MYO6: variants seen among roughly 807,000 people sequenced by gnomAD.
MYO6 encodes myosin VI.
Under a neutral mutation model 178.7 loss-of-function variants are expected in MYO6, and 74 were observed. The observed-to-expected ratio is 0.41, with a 90% CI of 0.34 to 0.50. MYO6 has a LOEUF of 0.50. MYO6 is among the 20% of genes least tolerant of loss of function. The pLI is 0.09. For missense variants in MYO6, 1,330 were observed against 1,547.4 expected, an observed-to-expected ratio of 0.86 and a Z score of 2.36; for synonymous variants, 477 against 504.6, an observed-to-expected ratio of 0.95 and a Z score of 0.73.
At chr6:75,863,636 C>G (rs1776395282) in intron 16 of MYO6, among the ~76,000 whole-genome samples, 1 of 151,968 alleles carries the variant, frequency 6.6e-6, no homozygotes, top group Admixed American at 6.6e-5. Context: ...TAGGCATGCA[C>G]CACCACGCCC....
chr6:75,777,128 A>T (rs1766470609), intron 1 of MYO6, among the ~76,000 whole-genome samples: 1 of 152,226 alleles, frequency 6.6e-6, no homozygotes, highest in African/African-American at 2.4e-5. Context: ...AAGTGAGAAC[A>T]ACTCAATGTG....
intron 1 of MYO6, among the ~76,000 whole-genome samples, chr6:75,755,755 G>A (rs1777293705): frequency 6.6e-6 from 1 of 152,176 alleles, no homozygotes; most frequent in Admixed American, 6.5e-5. Flanking sequence ...GTACTGTAGT[G>A]TCTACCACGG....
In MYO6 at chr6:75,844,946, A is replaced by G; in HGVS notation, c.866A>G (p.Lys289Arg). ...TACTTTGCTAACAAAGAAACTGACA[A>G]ACAGATTTTACAGAACCGCAAAAGT... ...TRYFANKETDKQILQNRKSPE... is the reference protein window; with the variant it reads ...TRYFANKETDRQILQNRKSPE... Residue 289 changes from lysine (K) to arginine (R), a missense_variant, in exon 10 of 35, where the codon AAA becomes AGA. By Grantham distance (26) the Lys-to-Arg change is conservative (BLOSUM62 2). Transcript: ENST00000369977. 1 of 1,613,556 alleles carries G rather than the reference A, an allele frequency of 6.2e-7. No homozygotes were observed. The highest frequency in any genetic ancestry group is 8.5e-7 in the Non-Finnish European group (1 of 1,179,636).
At chr6:75,782,326 T>G (rs1454183712) in intron 1 of MYO6, among the ~76,000 whole-genome samples, 1 of 152,174 alleles carries the variant, frequency 6.6e-6, no homozygotes, top group African/African-American at 2.4e-5. Context: ...AGATAAATTC[T>G]TACCTTACAC....
intron 1 of MYO6, among the ~76,000 whole-genome samples, chr6:75,784,841 T>G (rs981726427): frequency 3.3e-5 from 5 of 149,478 alleles, no homozygotes; most frequent in African/African-American, 1.0e-4. Flanking sequence ...AGCTGAAGAT[T>G]GCGGGGTGTA....
chr6:75,778,429 C>G (rs1766606899), intron 1 of MYO6, among the ~76,000 whole-genome samples: 1 of 151,580 alleles, frequency 6.6e-6, no homozygotes, highest in Non-Finnish European at 1.5e-5. Context: ...CCCGTCTCTA[C>G]TAAAAAATAC....
chr6:75,756,759 C>T (rs1372146828), intron 1 of MYO6, among the ~76,000 whole-genome samples: 1 of 151,988 alleles, frequency 6.6e-6, no homozygotes, highest in Non-Finnish European at 1.5e-5. Context: ...CTTCATTTTA[C>T]AGATTAGGAA....
At chr6:75,791,241 G>A (rs894946729) in intron 1 of MYO6, among the ~76,000 whole-genome samples, 1 of 152,110 alleles carries the variant, frequency 6.6e-6, no homozygotes. Flanking sequence ...CCTAATAGCT[G>A]TATTTTTAAT....
intron 3 of MYO6, 94 bp downstream of exon 3, chr6:75,822,945 C>A: frequency 1.0e-6 from 1 of 971,072 alleles, no homozygotes; most frequent in Non-Finnish European, 1.6e-6. Context: ...ATACACTGTG[C>A]GGGTTCAGAA....
rs146219669 is a variant in MYO6, at chr6:75,911,699, G to A, written c.3439+1G>A. The stretch of plus-strand genomic sequence containing the variant: ...TTTGCACCATTTTTGAACAATTCAC[G>A]TAAGTCAATGGGTGGTAACTCATGA... On this transcript the variant is annotated splice_donor_variant, in intron 33 of 34. Coordinates refer to ENST00000369977, the MANE Select transcript of MYO6 (RefSeq NM_004999.4). LOFTEE classifies it high-confidence loss of function. 2.1e-5 allele frequency: 34 copies of A among 1,611,164 alleles called. No homozygotes were observed. The highest frequency in any genetic ancestry group is 6.6e-5 in the South Asian group (6 of 90,992).
intron 1 of MYO6, among the ~76,000 whole-genome samples, chr6:75,756,924 C>T (rs1046710838): frequency 1.8e-4 from 24 of 136,414 alleles, no homozygotes; most frequent in East Asian, 1.3e-3. Flanking sequence ...CATATATATA[C>T]ACACCATATA....
intron 10 of MYO6, among the ~76,000 whole-genome samples, chr6:75,845,808 G>T (rs546557838): frequency 1.3e-5 from 2 of 151,856 alleles, no homozygotes; most frequent in East Asian, 3.9e-4. Flanking sequence ...AACATGATGA[G>T]ACCCTGTCTC....
At chr6:75,759,068 CCA>C (rs1365895399) in intron 1 of MYO6, among the ~76,000 whole-genome samples, 6 of 151,902 alleles carry the variant, frequency 3.9e-5, no homozygotes, top group Non-Finnish European at 5.9e-5. Flanking sequence ...CGGGGTTTCA[CCA>C]TGTTGGCCAG....
intron 10 of MYO6, among the ~76,000 whole-genome samples, chr6:75,847,665 A>G (rs149066622): frequency 4.4e-4 from 67 of 152,180 alleles, no homozygotes; most frequent in African/African-American, 1.6e-3. Flanking sequence ...ATGCTTACTA[A>G]TATACTTTAC....
chr6:75,837,516 A>G (rs1409704696), intron 7 of MYO6, among the ~76,000 whole-genome samples: 2 of 152,142 alleles, frequency 1.3e-5, no homozygotes, highest in African/African-American at 2.4e-5. Context: ...TAGGAGTGCA[A>G]TACACATGCT....
chr6:75,830,673 T>C (rs1708089851), intron 5 of MYO6, 128 bp downstream of exon 5: 7 of 886,118 alleles, frequency 7.9e-6, no homozygotes, highest in Non-Finnish European at 1.2e-5. Flanking sequence ...TGTATACCTC[T>C]TGGATATATC....
chr6:75,905,721 A>G (rs1026911212), intron 30 of MYO6, among the ~76,000 whole-genome samples: 1 of 152,242 alleles, frequency 6.6e-6, no homozygotes, highest in Non-Finnish European at 1.5e-5. Context: ...AGCTGTTCCT[A>G]TTCGGCCATC....
At chr6:75,846,510 G>T (rs1412498476) in intron 10 of MYO6, among the ~76,000 whole-genome samples, 1 of 151,872 alleles carries the variant, frequency 6.6e-6, no homozygotes, top group Non-Finnish European at 1.5e-5. Flanking sequence ...TGTTTAATTT[G>T]GCATTTTATA....
At chr6:75,895,041 G>A (rs373923088) in intron 28 of MYO6, among the ~76,000 whole-genome samples, 190 bp from the exon 29 acceptor site, 1 of 152,030 alleles carries the variant, frequency 6.6e-6, no homozygotes, top group East Asian at 1.9e-4. Context: ...TTCACTGCAT[G>A]CCTTATTTTC....
Sources: allele counts gnomAD v4.1 joint callset (sites outside exome capture counted in the v4.1 genomes callset), GRCh38; gene constraint gnomAD v4.1.1; transcripts MANE v1.5; gene names NCBI Gene and HGNC (gene_info 2026-07-23, HGNC 2026-07-21).